Variants in ANGPT1 observed in about 807,000 individuals in gnomAD.
ANGPT1 encodes the protein angiopoietin-1.
In ANGPT1, 17 loss-of-function variants were observed where a neutral mutation model predicts 62.2. That is an observed-to-expected ratio of 0.27 (90% confidence interval 0.19 to 0.41). The LOEUF (loss-of-function observed/expected upper bound fraction) is 0.41. ANGPT1 is among the 10% of genes least tolerant of loss of function. ANGPT1 has a pLI of 1.00. For synonymous variants in ANGPT1, 199 were observed against 198.9 expected (o/e 1.00, Z 0.00); for missense variants, 478 against 594.9 (o/e 0.80, Z 2.04).
Position 107,425,031 on chromosome 8 carries a change from C to T in ANGPT1, c.297+72231G>A, listed in dbSNP as rs561974682. ...CTGAGACTACAGGCACGTGTCACCA[C>T]GCCCAGCTAATTTTTGTATTTTTAG... On this transcript the variant is annotated intron_variant, in intron 1 of 8. Coordinates refer to ENST00000517746, the MANE Select transcript of ANGPT1 (RefSeq NM_001146.5). Among the ~76,000 whole-genome samples, 147 of 152,226 alleles carry T rather than the reference C, an allele frequency of 9.7e-4. 1 individual carries two copies. In the South Asian group the frequency reaches 0.024, roughly 25 times the overall value.
chr8:107,419,064 T>C (rs1343101880), intron 1 of ANGPT1, among the ~76,000 whole-genome samples: 2 of 152,098 alleles, frequency 1.3e-5, no homozygotes, highest in African/African-American at 4.8e-5. Flanking sequence ...ATTTTCTAGG[T>C]CTAAAATCGG....
intron 1 of ANGPT1, among the ~76,000 whole-genome samples, chr8:107,443,537 G>A (rs1050643775): frequency 1.3e-5 from 2 of 151,902 alleles, no homozygotes; most frequent in Non-Finnish European, 2.9e-5. Context: ...GGCCGGGTGC[G>A]GTGGCTCACG....
chr8:107,451,239 G>T (rs1377871361), intron 1 of ANGPT1, among the ~76,000 whole-genome samples: 2 of 151,672 alleles, frequency 1.3e-5, no homozygotes, highest in Non-Finnish European at 2.9e-5. Flanking sequence ...ATAAAGTACA[G>T]ATTCAGGAAG....
At chr8:107,261,654 A>G (rs949274185) in intron 8 of ANGPT1, among the ~76,000 whole-genome samples, 4 of 151,684 alleles carry the variant, frequency 2.6e-5, no homozygotes, top group African/African-American at 9.7e-5. Context: ...GCAGTGAGCC[A>G]AGATCGTGTC....
chr8:107,455,782 G>T (rs1282815741), intron 1 of ANGPT1, among the ~76,000 whole-genome samples: 1 of 152,016 alleles, frequency 6.6e-6, no homozygotes, highest in Non-Finnish European at 1.5e-5. Context: ...AGGCAGTGAG[G>T]CTGGATTAAA....
At chr8:107,327,044 C>G (rs1261124187) in intron 3 of ANGPT1, among the ~76,000 whole-genome samples, 1 of 152,080 alleles carries the variant, frequency 6.6e-6, no homozygotes, top group African/African-American at 2.4e-5. Context: ...ATTTGCTGCT[C>G]TCCATTTAGT....
chr8:107,250,314 C>G lies in ANGPT1; in HGVS notation c.*1541G>C, dbSNP rs1358802163. 6.6e-6 allele frequency: 1 copy of G among 152,132 alleles called. No individual in the cohort carries two copies. Among genetic ancestry groups the G allele is most frequent in the Admixed American group, 6.5e-5 (1 of 15,274 alleles). The allele number at this position is 152,132 out of a possible 1,614,324, so 9.4% of individuals were successfully genotyped here. A position where few individuals can be genotyped will look rare whatever the true frequency, so the allele number is the denominator to read the frequency against. On this transcript the variant is annotated 3_prime_UTR_variant, in exon 9 of 9. Coordinates refer to ENST00000517746, the MANE Select transcript of ANGPT1 (RefSeq NM_001146.5). ...TCTTGATAAAATAATGCAGTAACTT[C>G]AAGCACCCCAAAAATTCACTTAAAA...
chr8:107,483,251 G>A (rs1047969803), intron 1 of ANGPT1, among the ~76,000 whole-genome samples: 3 of 152,104 alleles, frequency 2.0e-5, no homozygotes, highest in African/African-American at 7.2e-5. Context: ...GTAAGCTTTA[G>A]TCTCATATGA....
At chr8:107,319,614 A>AC (rs1316921193) in intron 4 of ANGPT1, among the ~76,000 whole-genome samples, 1 of 151,828 alleles carries the variant, frequency 6.6e-6, no homozygotes, top group Non-Finnish European at 1.5e-5. Flanking sequence ...GAAAGGCTTT[A>AC]CCCATGTGTT....
In ANGPT1 at chr8:107,318,766, C is replaced by G. The variant is rs779915234; in HGVS notation, c.808+3130G>C. Among the ~76,000 whole-genome samples, 4 of 151,906 alleles carry G rather than the reference C, an allele frequency of 2.6e-5. No individual in the cohort carries two copies. The South Asian group carries it at 8.3e-4, about 32-fold the overall frequency. ...AACGTGATGTTTTGGTACATGTATA[C>G]ACTGCAGAATGATCAAGCTAATTAA... On this transcript the variant is annotated intron_variant, in intron 4 of 8. Coordinates refer to ENST00000517746, the MANE Select transcript of ANGPT1 (RefSeq NM_001146.5).
chr8:107,310,482 C>A (rs1814823020), intron 4 of ANGPT1, among the ~76,000 whole-genome samples: 1 of 152,156 alleles, frequency 6.6e-6, no homozygotes, highest in Admixed American at 6.5e-5. Context: ...CAAGAGCACA[C>A]CCAAGGTCCT....
intron 1 of ANGPT1, among the ~76,000 whole-genome samples, chr8:107,351,178 G>A (rs1175810765): frequency 2.0e-5 from 3 of 152,026 alleles, no homozygotes; most frequent in African/African-American, 7.2e-5. Context: ...ATAAGTTATT[G>A]ACCAAAATGC....
At chr8:107,468,958 T>C (rs187301445) in intron 1 of ANGPT1, among the ~76,000 whole-genome samples, 18 of 152,132 alleles carry the variant, frequency 1.2e-4, no homozygotes, top group Admixed American at 3.9e-4. Context: ...AATAGTGAAA[T>C]TGGGAGAACC....
intron 8 of ANGPT1, among the ~76,000 whole-genome samples, chr8:107,254,377 G>C (rs1813311751): frequency 6.6e-6 from 1 of 151,936 alleles, no homozygotes; most frequent in African/African-American, 2.4e-5. Flanking sequence ...AGAAACAGAT[G>C]AATATATGTA....
At chr8:107,443,252 C>T (rs114090808) in intron 1 of ANGPT1, among the ~76,000 whole-genome samples, 163 of 152,258 alleles carry the variant, frequency 1.1e-3, no homozygotes, top group African/African-American at 3.8e-3. Context: ...ATTTTCTCCT[C>T]TCCAGTGAAT....
rs550881724 is a variant in ANGPT1 at position 107,423,549 on chromosome 8, C to T, written c.297+73713G>A. ...ATCATAGTTTAACATTTCCCTTTGC[C>T]TAGTCCTGCTTTCCTCCCTCTGAGA... is the stretch of plus-strand genomic sequence containing the variant. On this transcript the variant is annotated intron_variant, in intron 1 of 8. Transcript: ENST00000517746. 1.8e-3 allele frequency among the ~76,000 whole-genome samples: 276 copies of T among 152,216 alleles called. 2 individuals are homozygous for T. The highest frequency in any genetic ancestry group is 2.8e-3 in the Non-Finnish European group (192 of 68,022).
At chr8:107,482,111 T>G (rs1196075207) in intron 1 of ANGPT1, among the ~76,000 whole-genome samples, 1 of 152,234 alleles carries the variant, frequency 6.6e-6, no homozygotes, top group Non-Finnish European at 1.5e-5. Context: ...TGATGTAGCT[T>G]ATGTTAAGAA....
chr8:107,311,084 T>C (rs1224912210), intron 4 of ANGPT1, among the ~76,000 whole-genome samples: 1 of 151,646 alleles, frequency 6.6e-6, no homozygotes, highest in African/African-American at 2.4e-5. Context: ...AATTGGATCA[T>C]TGAAAGTATG....
At chr8:107,444,403 T>G (rs1811559185) in intron 1 of ANGPT1, among the ~76,000 whole-genome samples, 1 of 152,204 alleles carries the variant, frequency 6.6e-6, no homozygotes, top group Non-Finnish European at 1.5e-5. Context: ...TAGATCAGCC[T>G]TCTTCTGTTT....
Sources: allele counts gnomAD v4.1 joint callset (sites outside exome capture counted in the v4.1 genomes callset), GRCh38; gene constraint gnomAD v4.1.1; transcripts MANE v1.5; gene names NCBI Gene and HGNC (gene_info 2026-07-23, HGNC 2026-07-21).